The following BICRAL variants were observed in gnomAD, a reference collection of about 807,000 sequenced individuals.
The protein encoded by BICRAL is BRD4-interacting chromatin-remodeling complex-associated protein-like.
A neutral mutation model predicts 91.8 loss-of-function variants in BICRAL; 8 were observed. The observed-to-expected ratio is 0.09, with a 90% CI of 0.05 to 0.16. The LOEUF (loss-of-function observed/expected upper bound fraction) is 0.16. Among genes scored for constraint, BICRAL ranks in the 10% least tolerant of loss-of-function variants. BICRAL has a pLI of 1.00. For missense variants in BICRAL, 1,038 were observed against 1,310.9 expected, an observed-to-expected ratio of 0.79 and a Z score of 3.21; for synonymous variants, 445 against 491.1, an observed-to-expected ratio of 0.91 and a Z score of 1.24.
intron 1 of BICRAL, among the ~76,000 whole-genome samples, chr6:42,766,626 G>T (rs1170091602): frequency 1.3e-5 from 2 of 152,068 alleles, no homozygotes; most frequent in Non-Finnish European, 2.9e-5. Context: ...ATCACTTGAG[G>T]TTAGCAGTTT....
chr6:42,805,088 T>C (rs928401670), intron 1 of BICRAL, among the ~76,000 whole-genome samples: 2 of 152,242 alleles, frequency 1.3e-5, no homozygotes, highest in African/African-American at 4.8e-5. Context: ...AAAGATGTAG[T>C]TGCTGCTTTC....
rs551557570 is a variant in BICRAL at position 42,847,364 on chromosome 6, T to C, written c.1840-4728T>C. Among the ~76,000 whole-genome samples the C allele has an allele frequency of 2.6e-5, 4 of 152,354 alleles. No homozygotes were observed. The South Asian group carries it at 8.3e-4, about 32-fold the overall frequency. ...AGAAAGATCCCCTCTATTCCTAGTT[T>C]GCTGAGAGTTTTTTTCATGAATGGG... On this transcript the variant is annotated intron_variant, in intron 6 of 12. Transcript: ENST00000314073.
intron 6 of BICRAL, among the ~76,000 whole-genome samples, chr6:42,841,070 A>G (rs1439551525): frequency 8.6e-6 from 1 of 116,314 alleles, no homozygotes. Flanking sequence ...GCAAGACTCA[A>G]TCTTTAAAAA....
intron 7 of BICRAL, 27 bp from the exon 8 acceptor site, chr6:42,853,611 C>T: frequency 1.3e-6 from 2 of 1,525,554 alleles, no homozygotes; most frequent in African/African-American, 1.4e-5. Context: ...TTCTTTTGAA[C>T]ACTGTCTCAT....
At chr6:42,792,348 C>T (rs1300854790) in intron 1 of BICRAL, among the ~76,000 whole-genome samples, 1 of 152,052 alleles carries the variant, frequency 6.6e-6, no homozygotes, top group East Asian at 1.9e-4. Context: ...TAGCTGCAGC[C>T]TCCATCTCGT....
chr6:42,865,134 T>C lies in BICRAL; in HGVS notation c.2928T>C (p.Ser976=). The stretch of plus-strand genomic sequence containing the variant: ...GTAACAATTCCTTCCAGGACAAAAG[T>C]CTGAGGAATTCTCCAAAGAATGAAG... ...MTCNNSFQDK[S]LRNSPKNEVL... Residue 976 remains serine, a synonymous_variant, in exon 13 of 13, where the codon AGT becomes AGC. Transcript: ENST00000314073. The C allele has an allele frequency of 4.3e-6, 7 of 1,614,028 alleles. No homozygotes were observed. The highest frequency in any genetic ancestry group is 5.9e-6 in the Non-Finnish European group (7 of 1,179,988).
At chr6:42,761,741 T>C (rs1762552736) in intron 1 of BICRAL, among the ~76,000 whole-genome samples, 1 of 151,286 alleles carries the variant, frequency 6.6e-6, no homozygotes, top group Admixed American at 6.6e-5. Flanking sequence ...GACCCTGCCA[T>C]CTCTATAAAA....
In BICRAL at chr6:42,829,638, C is replaced by A; in HGVS notation, c.1305C>A (p.Gly435=). Residue 435 remains glycine (G), a synonymous_variant, in exon 6 of 13, where the codon GGC becomes GGA. Transcript: ENST00000314073. ...CTCAACCCTCTCAGCTCATTTCTGG[C>A]CAAGTGGCCTCAGAGCATGTCATGT... ...LQTQPSQLIS[G]QVASEHVMLN... 6.2e-7 allele frequency: 1 copy of A among 1,614,180 alleles called. No individual in the cohort carries two copies. The highest frequency in any genetic ancestry group is 1.3e-5 in the African/African-American group (1 of 75,060).
intron 1 of BICRAL, among the ~76,000 whole-genome samples, chr6:42,768,962 A>G (rs1295598885): frequency 6.6e-6 from 1 of 152,226 alleles, no homozygotes; most frequent in East Asian, 1.9e-4. Flanking sequence ...GTAGTAAAGA[A>G]TGGGTAACTC....
intron 2 of BICRAL, chr6:42,821,282 CAT>C (rs2113938773): frequency 6.6e-6 from 1 of 152,254 alleles, no homozygotes; most frequent in Admixed American, 6.5e-5. Context: ...TCAGCCCAAG[CAT>C]AGTCATTTCA....
chr6:42,747,805 G>GTTTTTTTTTTTTTTTTTTT (rs56209754), intron 1 of BICRAL, among the ~76,000 whole-genome samples: 4 of 125,310 alleles, frequency 3.2e-5, no homozygotes, highest in Non-Finnish European at 5.1e-5. Context: ...GTTTTATTTT[G>GTTTTTTTTTTTTTTTTTTT]TTTTTTTTTT....
rs189776339 is a variant in BICRAL at position 42,840,269 on chromosome 6, G to A, written c.1839+10097G>A. On this transcript the variant is annotated intron_variant, in intron 6 of 12. Transcript: ENST00000314073. Reference sequence around the variant, plus strand: ...TTTGTTTGTTTGTTTTTGAGACAGAGTCTCGCTCTATCACCCAGGCTGGAG... The same window carrying A: ...TTTGTTTGTTTGTTTTTGAGACAGAATCTCGCTCTATCACCCAGGCTGGAG... 6.8e-3 allele frequency among the ~76,000 whole-genome samples: 1,034 copies of A among 152,028 alleles called. 4 individuals carry two copies. Among genetic ancestry groups the A allele is most frequent in the African/African-American group, 0.022 (907 of 41,456 alleles).
chr6:42,811,821 GTT>G (rs1763852586), intron 2 of BICRAL, among the ~76,000 whole-genome samples: 1 of 152,140 alleles, frequency 6.6e-6, no homozygotes, highest in African/African-American at 2.4e-5. Context: ...AATAGTTTGT[GTT>G]CCCATCTGCA....
chr6:42,833,118 C>A (rs548103571), intron 6 of BICRAL, among the ~76,000 whole-genome samples: 1 of 151,388 alleles, frequency 6.6e-6, no homozygotes, highest in Non-Finnish European at 1.5e-5. Flanking sequence ...TGCAGTAGCC[C>A]GATCTCAGCT....
chr6:42,753,424 G>T (rs77262091), intron 1 of BICRAL, among the ~76,000 whole-genome samples: 5,778 of 152,146 alleles, frequency 0.038, 151 homozygotes, highest in Non-Finnish European at 0.061. Context: ...TTGCCTTGTT[G>T]GGATGGTCAT....
intron 1 of BICRAL, among the ~76,000 whole-genome samples, chr6:42,763,928 CAAAAG>C (rs1762594533): frequency 6.9e-6 from 1 of 145,164 alleles, no homozygotes; most frequent in East Asian, 2.0e-4. Flanking sequence ...AAAAAAAAGA[CAAAAG>C]AAAATAGCAT....
intron 6 of BICRAL, among the ~76,000 whole-genome samples, chr6:42,833,740 C>T (rs569960534): frequency 2.1e-4 from 32 of 152,018 alleles, no homozygotes; most frequent in African/African-American, 7.2e-4. Context: ...CCAGGATCCA[C>T]CCAGGATCAC....
At chr6:42,863,176 G>A (rs1221933411) in intron 12 of BICRAL, among the ~76,000 whole-genome samples, 1 of 151,194 alleles carries the variant, frequency 6.6e-6, no homozygotes, top group East Asian at 2.0e-4. Context: ...AGCCTCCCAA[G>A]TAGCTGGGAC....
chr6:42,793,838 A>G (rs1763345917), intron 1 of BICRAL, among the ~76,000 whole-genome samples: 1 of 138,894 alleles, frequency 7.2e-6, no homozygotes, highest in Non-Finnish European at 1.5e-5. Flanking sequence ...GCCCCATCTC[A>G]GCTCACTGAA....
Sources: allele counts gnomAD v4.1 joint callset (sites outside exome capture counted in the v4.1 genomes callset), GRCh38; gene constraint gnomAD v4.1.1; transcripts MANE v1.5; gene names NCBI Gene and HGNC (gene_info 2026-07-23, HGNC 2026-07-21).